The following PSEN1 variants were observed in gnomAD, a reference collection of about 807,000 sequenced individuals.
The protein encoded by PSEN1 is presenilin 1.
PSEN1 carries 15 observed loss-of-function variants against 53.5 expected under a neutral mutation model. The ratio of observed to expected loss-of-function variants is 0.28; its 90% confidence interval spans 0.19 to 0.43. The LOEUF is 0.43. Ranked by LOEUF, PSEN1 falls within the 20% of genes least tolerant of loss-of-function variation. The probability of loss-of-function intolerance (pLI) is 1.00; values close to 1 mark genes in which losing one functional copy is unlikely to be tolerated. For synonymous variants in PSEN1, 208 were observed against 209.8 expected (o/e 0.99, Z 0.08); for missense variants, 387 against 571.2 (o/e 0.68, Z 3.29).
chr14:73,147,822 A>G lies in PSEN1; in HGVS notation c.-108A>G, dbSNP rs1437670643. Reference sequence around the variant, plus strand: ...CTAATCTGGGAGCCTGCAAGTGACAACAGCCTTTGCGGTCCTTAGACAGCT... The same window carrying G: ...CTAATCTGGGAGCCTGCAAGTGACAGCAGCCTTTGCGGTCCTTAGACAGCT... On this transcript the variant is annotated 5_prime_UTR_variant, in exon 2 of 12. Transcript: ENST00000324501. The G allele has an allele frequency of 5.1e-6, 3 of 590,598 alleles. No individual in the cohort carries two copies. Among genetic ancestry groups the G allele is most frequent in the South Asian group, 2.0e-5 (1 of 50,978 alleles). 36.6% of individuals were successfully genotyped at this position (590,598 alleles called of 1,614,324 possible). A position where few individuals can be genotyped will look rare whatever the true frequency, so the allele number is the denominator to read the frequency against.
At chr14:73,188,541 G>T (rs1898599771) in intron 6 of PSEN1, among the ~76,000 whole-genome samples, 3 of 152,104 alleles carry the variant, frequency 2.0e-5, no homozygotes, top group Admixed American at 1.3e-4. Context: ...TAGCTGCATG[G>T]GAGACTAAGG....
chr14:73,209,352 T>C (rs1899587856), intron 9 of PSEN1, among the ~76,000 whole-genome samples: 1 of 152,194 alleles, frequency 6.6e-6, no homozygotes, highest in Admixed American at 6.5e-5. Context: ...GTAAACCTGA[T>C]AGAAAAGTAA....
intron 10 of PSEN1, among the ~76,000 whole-genome samples, chr14:73,213,125 C>A (rs1899768817): frequency 6.6e-6 from 1 of 152,180 alleles, no homozygotes; most frequent in African/African-American, 2.4e-5. Flanking sequence ...AGCCCAGCTG[C>A]AGCCTGTGAC....
chr14:73,138,128 G>A (rs1452028188), intron 1 of PSEN1: 1 of 151,164 alleles, frequency 6.6e-6, no homozygotes, highest in East Asian at 1.9e-4. Flanking sequence ...AAATTTATTA[G>A]CATGCAGACT....
At chr14:73,170,680 C>A in intron 3 of PSEN1, 117 bp from the exon 4 acceptor site, 1 of 1,110,914 alleles carries the variant, frequency 9.0e-7, no homozygotes, top group Non-Finnish European at 1.3e-6. Context: ...ATTGTTTTTT[C>A]TTGCTTCAGG....
intron 5 of PSEN1, chr14:73,174,017 A>C: frequency 1.8e-6 from 1 of 543,336 alleles, no homozygotes; most frequent in South Asian, 2.5e-5. Flanking sequence ...TATTGGAAGT[A>C]TTTTATATGC....
At chr14:73,217,956 T>G (rs1899984976) in intron 11 of PSEN1, among the ~76,000 whole-genome samples, 2 of 151,668 alleles carry the variant, frequency 1.3e-5, no homozygotes, top group Non-Finnish European at 1.5e-5. Flanking sequence ...CCCGGCTAAT[T>G]TTTGTATTTT....
At chr14:73,188,815 G>C (rs1204026079) in intron 6 of PSEN1, among the ~76,000 whole-genome samples, 2 of 152,102 alleles carry the variant, frequency 1.3e-5, no homozygotes, top group Non-Finnish European at 2.9e-5. Flanking sequence ...CTGAGATAGA[G>C]TCTCACTCTG....
At chr14:73,198,414 A>G (rs758562722) in intron 8 of PSEN1, among the ~76,000 whole-genome samples, 1 of 152,200 alleles carries the variant, frequency 6.6e-6, no homozygotes, top group Non-Finnish European at 1.5e-5. Context: ...GGGCAAGCTC[A>G]AGGATTCCTT....
chr14:73,173,339 ATGT>A (rs1340330431), intron 4 of PSEN1, among the ~76,000 whole-genome samples: 1 of 152,222 alleles, frequency 6.6e-6, no homozygotes, highest in African/African-American at 2.4e-5. Flanking sequence ...TCTGCTTCAC[ATGT>A]TAAGTCCTTC....
intron 3 of PSEN1, among the ~76,000 whole-genome samples, chr14:73,151,915 T>A (rs1170045128): frequency 4.1e-4 from 45 of 109,106 alleles, no homozygotes; most frequent in Non-Finnish European, 7.2e-4. Flanking sequence ...TTTTTTTTTT[T>A]TTTTTTTTTT....
intron 5 of PSEN1, among the ~76,000 whole-genome samples, chr14:73,179,847 GCT>G (rs1177034013): frequency 6.6e-6 from 1 of 152,168 alleles, no homozygotes; most frequent in Non-Finnish European, 1.5e-5. Context: ...GCAACCAGCT[GCT>G]GCCTGCTTTC....
chr14:73,215,593 A>G (rs1030680411), intron 10 of PSEN1, among the ~76,000 whole-genome samples: 4 of 152,148 alleles, frequency 2.6e-5, no homozygotes, highest in Non-Finnish European at 4.4e-5. Context: ...TATGCAAATC[A>G]TATTGAAGTC....
intron 3 of PSEN1, chr14:73,159,948 G>C (rs1483317612): frequency 6.2e-6 from 1 of 160,814 alleles, no homozygotes; most frequent in African/African-American, 2.4e-5. Flanking sequence ...TCAGCCTCCT[G>C]AGTAACTGGA....
At chr14:73,198,199 T>G in intron 8 of PSEN1, 70 bp downstream of exon 8, 2 of 894,422 alleles carry the variant, frequency 2.2e-6, no homozygotes, top group Non-Finnish European at 1.8e-6. Context: ...CACATGTAAC[T>G]ATGGTCATTT....
At chr14:73,204,362 T>C (rs1391422062) in intron 8 of PSEN1, among the ~76,000 whole-genome samples, 2 of 151,538 alleles carry the variant, frequency 1.3e-5, no homozygotes, top group Non-Finnish European at 2.9e-5. Flanking sequence ...GTGTTTGTGT[T>C]AAGGTGAAAT....
At chr14:73,206,604 C>A in intron 9 of PSEN1, 132 bp downstream of exon 9, 1 of 702,828 alleles carries the variant, frequency 1.4e-6, no homozygotes, top group Non-Finnish European at 2.5e-6. Flanking sequence ...TATGATAATG[C>A]CCAGTAAATA....
chr14:73,145,048 A>G (rs61986866), intron 1 of PSEN1, among the ~76,000 whole-genome samples: 8,529 of 152,036 alleles, frequency 0.056, 325 homozygotes, highest in Non-Finnish European at 0.089. Context: ...ACGAGCTACC[A>G]TGCCCAGCTA....
At chr14:73,175,502 C>T (rs1898024392) in intron 5 of PSEN1, among the ~76,000 whole-genome samples, 2 of 151,928 alleles carry the variant, frequency 1.3e-5, no homozygotes, top group Non-Finnish European at 2.9e-5. Context: ...ATTAACTTTC[C>T]AAATGTAGGA....
Sources: allele counts gnomAD v4.1 joint callset (sites outside exome capture counted in the v4.1 genomes callset), GRCh38; gene constraint gnomAD v4.1.1; transcripts MANE v1.5; gene names NCBI Gene and HGNC (gene_info 2026-07-23, HGNC 2026-07-21).